Variants in LARS2 observed in about 807,000 individuals in gnomAD.
LARS2 encodes leucine--tRNA ligase, mitochondrial.
LARS2 carries 81 observed loss-of-function variants against 116.6 expected under a neutral mutation model. The observed-to-expected ratio is 0.69, with a 90% CI of 0.58 to 0.84. The LOEUF is 0.84. Ranked by LOEUF, LARS2 falls within the 40% of genes least tolerant of loss-of-function variation. The probability of loss-of-function intolerance (pLI) is 0.00; values close to 1 mark genes in which losing one functional copy is unlikely to be tolerated. For synonymous variants in LARS2, 396 were observed against 407.2 expected (o/e 0.97, Z 0.33); for missense variants, 968 against 1,114.5 (o/e 0.87, Z 1.87).
At chr3:45,426,162 G>A (rs950140257) in intron 6 of LARS2, among the ~76,000 whole-genome samples, 2 of 152,100 alleles carry the variant, frequency 1.3e-5, no homozygotes, top group African/African-American at 4.8e-5. Flanking sequence ...ATAGAGAACC[G>A]GACCTCTGAT....
chr3:45,499,610 A>G (rs1345757333), intron 14 of LARS2, among the ~76,000 whole-genome samples: 1 of 152,094 alleles, frequency 6.6e-6, no homozygotes, highest in Non-Finnish European at 1.5e-5. Context: ...TGACCAAGCA[A>G]GACCCAAACT....
intron 20 of LARS2, among the ~76,000 whole-genome samples, chr3:45,533,253 C>G (rs1047410245): frequency 6.7e-6 from 1 of 148,304 alleles, no homozygotes; most frequent in Non-Finnish European, 1.5e-5. Flanking sequence ...CGGGTTCACA[C>G]CATTTGCCTG....
At chr3:45,477,385 A>G (rs541529554) in intron 10 of LARS2, among the ~76,000 whole-genome samples, 1 of 152,322 alleles carries the variant, frequency 6.6e-6, no homozygotes, top group African/African-American at 2.4e-5. Context: ...CCTGAGTGCC[A>G]CTGTCAGTAA....
At chr3:45,466,613 G>A (rs1485330066) in intron 8 of LARS2, among the ~76,000 whole-genome samples, 1 of 152,114 alleles carries the variant, frequency 6.6e-6, no homozygotes, top group Non-Finnish European at 1.5e-5. Flanking sequence ...TCCCATCCTT[G>A]AAAATTGCTG....
intron 4 of LARS2, among the ~76,000 whole-genome samples, chr3:45,401,188 T>G (rs1260584749): frequency 1.3e-5 from 2 of 151,864 alleles, no homozygotes; most frequent in Non-Finnish European, 2.9e-5. Context: ...CTCTGGGGAG[T>G]TGGGGAAAGT....
chr3:45,539,012 A>G (rs1016932138), intron 20 of LARS2, among the ~76,000 whole-genome samples: 8 of 152,228 alleles, frequency 5.3e-5, no homozygotes, highest in African/African-American at 1.9e-4. Context: ...TGAGTAGCTC[A>G]GAAGTGAACA....
intron 5 of LARS2, among the ~76,000 whole-genome samples, chr3:45,419,465 A>G (rs1698481584): frequency 6.6e-6 from 1 of 152,222 alleles, no homozygotes; most frequent in Non-Finnish European, 1.5e-5. Flanking sequence ...GATTCTGTAT[A>G]TGTCCAAATA....
chr3:45,470,890 A>G (rs182086918), intron 8 of LARS2, among the ~76,000 whole-genome samples: 5 of 152,084 alleles, frequency 3.3e-5, no homozygotes, highest in African/African-American at 1.2e-4. Context: ...GAATCTAAAA[A>G]CCTGATATTT....
intron 20 of LARS2, among the ~76,000 whole-genome samples, chr3:45,527,479 C>T (rs541391881): frequency 2.6e-5 from 4 of 152,198 alleles, no homozygotes; most frequent in East Asian, 3.9e-4. Context: ...AAAAAATTAG[C>T]CTGGCATGGT....
chr3:45,537,183 A>G (rs267253), intron 20 of LARS2, among the ~76,000 whole-genome samples: 129,199 of 152,114 alleles, frequency 0.85, 58,681 homozygotes, highest in East Asian at 1. Context: ...TTTCCTTCTC[A>G]ATATTTGCCT....
chr3:45,437,635 A>G (rs1230195981), intron 6 of LARS2, among the ~76,000 whole-genome samples: 1 of 152,250 alleles, frequency 6.6e-6, no homozygotes, highest in Non-Finnish European at 1.5e-5. Flanking sequence ...GGCTGGGACT[A>G]TAGATGACAA....
At chr3:45,458,696 A>G in intron 7 of LARS2, 47 bp from the exon 8 acceptor site, 1 of 1,607,276 alleles carries the variant, frequency 6.2e-7, no homozygotes, top group Non-Finnish European at 8.5e-7. Context: ...CAAAAAAAAA[A>G]AAGAGTACTC....
intron 11 of LARS2, among the ~76,000 whole-genome samples, chr3:45,486,142 A>G (rs1330560144): frequency 1.3e-5 from 2 of 152,096 alleles, no homozygotes; most frequent in Non-Finnish European, 2.9e-5. Flanking sequence ...TCCCAGGTAT[A>G]CTACCAGCTT....
chr3:45,441,682 C>G (rs901653574), intron 6 of LARS2, among the ~76,000 whole-genome samples: 2 of 152,170 alleles, frequency 1.3e-5, no homozygotes, highest in East Asian at 3.8e-4. Context: ...GTAAGGTAGG[C>G]CTCCGTGCCT....
intron 20 of LARS2, among the ~76,000 whole-genome samples, chr3:45,537,379 G>T (rs981965439): frequency 6.6e-6 from 1 of 152,128 alleles, no homozygotes; most frequent in Non-Finnish European, 1.5e-5. Flanking sequence ...TATAAAAAGT[G>T]GTTGTGAAAT....
At chr3:45,452,525 C>A (rs1168610237) in intron 7 of LARS2, among the ~76,000 whole-genome samples, 1 of 152,124 alleles carries the variant, frequency 6.6e-6, no homozygotes, top group Non-Finnish European at 1.5e-5. Flanking sequence ...CCTTGCATCC[C>A]TGGGATGAAT....
chr3:45,541,733 C>T, intron 20 of LARS2, 96 bp from the exon 21 acceptor site: 10 of 1,497,468 alleles, frequency 6.7e-6, no homozygotes, highest in Non-Finnish European at 9.0e-6. Flanking sequence ...CACACAGCTC[C>T]AAGCCAGGCT....
chr3:45,468,976 ATAGC>A (rs1279069971), intron 8 of LARS2, among the ~76,000 whole-genome samples: 4 of 152,116 alleles, frequency 2.6e-5, no homozygotes, highest in African/African-American at 9.7e-5. Context: ...TCTCTTTCCC[ATAGC>A]TCTGGGCTGT....
At chr3:45,476,995 A>C (rs914925617) in intron 10 of LARS2, among the ~76,000 whole-genome samples, 1 of 152,174 alleles carries the variant, frequency 6.6e-6, no homozygotes, top group Non-Finnish European at 1.5e-5. Flanking sequence ...ACCATCAACT[A>C]AAACTACACT....
Sources: gnomAD v4.1 joint callset for allele counts (sites outside exome capture counted in the v4.1 genomes callset) on GRCh38, gnomAD v4.1.1 for gene constraint, MANE v1.5 for transcripts, NCBI Gene and HGNC (gene_info 2026-07-23, HGNC 2026-07-21) for gene names.